CLN6: variants seen among roughly 807,000 people sequenced by gnomAD.
CLN6 encodes ceroid-lipofuscinosis neuronal protein 6.
In CLN6, 22 loss-of-function variants were observed where a neutral mutation model predicts 33.3. That is an observed-to-expected ratio of 0.66 (90% CI 0.47 to 0.94). The LOEUF is 0.94. Ranked by LOEUF, CLN6 falls within the 40% of genes least tolerant of loss-of-function variation. The pLI is 0.00. For missense variants in CLN6, 387 were observed against 417.1 expected, an observed-to-expected ratio of 0.93 and a Z score of 0.63; for synonymous variants, 201 against 174.6, an observed-to-expected ratio of 1.15 and a Z score of -1.19.
chr15:68,230,785 C>T (rs1468769919), upstream of CLN6, among the ~76,000 whole-genome samples: 3 of 152,172 alleles, frequency 2.0e-5, no homozygotes, highest in Non-Finnish European at 4.4e-5. This position sits in a 1 kb window ranked among gnomAD's most constrained non-coding sequence, Gnocchi z 4.0. Context: ...CCTTCCACAC[C>T]ACTGTCAATG....
At position 68,256,933 on chromosome 15, in the gene CLN6, C is replaced by A; in HGVS notation, c.-65G>T. 1.6e-6 allele frequency: 1 copy of A among 621,174 alleles called. No individual in the cohort carries two copies. The highest frequency in any genetic ancestry group is 1.8e-5 in the South Asian group (1 of 56,030). 38.5% of individuals were successfully genotyped at this position (621,174 alleles called of 1,614,324 possible). On this transcript the variant is annotated 5_prime_UTR_variant, in exon 1 of 7. Coordinates refer to the CLN6 transcript ENST00000538696. This position sits in a 1 kb window ranked among gnomAD's most constrained non-coding sequence, Gnocchi z 4.1. ...GGTCAGGGTGCGCGTCCCACCGCGTCGTGGGGCAGGGTGTAGTGATGGTCA... is the reference window on the plus strand; with the variant it reads ...GGTCAGGGTGCGCGTCCCACCGCGTAGTGGGGCAGGGTGTAGTGATGGTCA...
At position 68,211,943 on chromosome 15, in the gene CLN6, T is replaced by G. The variant is rs1201875953; in HGVS notation, c.298-80A>C. 1.4e-6 allele frequency: 2 copies of G among 1,419,632 alleles called. No homozygotes were observed. The highest frequency in any genetic ancestry group is 3.6e-5 in the Admixed American group (2 of 55,956). The allele number at this position is 1,419,632 out of a possible 1,614,324, so 87.9% of individuals were successfully genotyped here. A position where few individuals can be genotyped will look rare whatever the true frequency, so the allele number is the denominator to read the frequency against. On this transcript the variant is annotated intron_variant, in intron 3 of 6. Transcript: ENST00000249806. The surrounding 1 kb of genome is among the most constrained non-coding windows in gnomAD (Gnocchi z 5.9). ...CACCCTCTGCTTCCCCCCTCACACCTGGGGTGGGATGGACGCTTCCAGCTG... is the reference window on the plus strand; with the variant it reads ...CACCCTCTGCTTCCCCCCTCACACCGGGGGTGGGATGGACGCTTCCAGCTG...
At chr15:68,229,762 A>AGGGAG (rs1555440250), upstream of CLN6, 13 of 46,460 alleles carry the variant, frequency 2.8e-4, no homozygotes, top group East Asian at 1.8e-3. Context: ...GGCGGAGCGG[A>AGGGAG]GCGGAGCGGA....
chr15:68,245,889 G>A (rs934603685), intron 1 of CLN6, among the ~76,000 whole-genome samples: 2 of 151,510 alleles, frequency 1.3e-5, no homozygotes, highest in Non-Finnish European at 2.9e-5. Context: ...CCATGCAAGT[G>A]GAAACCAAAA....
intron 1 of CLN6, among the ~76,000 whole-genome samples, chr15:68,249,987 G>C (rs555113887): frequency 6.6e-6 from 1 of 152,072 alleles, no homozygotes; most frequent in East Asian, 1.9e-4. Flanking sequence ...TGGTCAGGCC[G>C]ATCTCGAACT....
intron 1 of CLN6, among the ~76,000 whole-genome samples, chr15:68,235,609 T>A (rs1168798575): frequency 2.1e-3 from 15 of 7,206 alleles, no homozygotes; most frequent in South Asian, 0.016. Flanking sequence ...TATATATATA[T>A]ATATATATAT....
rs1336395846 is a variant in CLN6 at position 68,208,942 on chromosome 15, G to A, written c.666-532C>T. On this transcript the variant is annotated intron_variant, in intron 6 of 6. Coordinates refer to ENST00000249806, the MANE Select transcript of CLN6 (RefSeq NM_017882.3). The surrounding 1 kb of genome is among the most constrained non-coding windows in gnomAD (Gnocchi z 5.8). ...GATCTAGAGCTGGCCCAGGAAAGGA[G>A]GCCCTTTTCATTTTGAGGGAGGCCT... Among the ~76,000 whole-genome samples, 1 of 152,178 alleles carries A rather than the reference G, an allele frequency of 6.6e-6. No homozygotes were observed. The highest frequency in any genetic ancestry group is 1.5e-5 in the Non-Finnish European group (1 of 68,024).
At position 68,226,815 on chromosome 15, in the gene CLN6, A is replaced by C. The variant is rs117610692; in HGVS notation, c.83+2687T>G. Reference sequence around the variant, plus strand: ...GTTTAATTAATACATGCAAAAACTTAAGAGCAGGGCCTGATCCATAAAAAG... The same window carrying C: ...GTTTAATTAATACATGCAAAAACTTCAGAGCAGGGCCTGATCCATAAAAAG... On this transcript the variant is annotated intron_variant, in intron 1 of 6. Transcript: ENST00000249806. Among the ~76,000 whole-genome samples the C allele has an allele frequency of 4.0e-5, 6 of 149,292 alleles. No individual in the cohort carries two copies. In the East Asian group the frequency reaches 1.2e-3, roughly 29 times the overall value.
At chr15:68,230,219 T>C (rs2093266044), upstream of CLN6, among the ~76,000 whole-genome samples, 1 of 151,984 alleles carries the variant, frequency 6.6e-6, no homozygotes, top group Admixed American at 6.6e-5. The surrounding 1 kb of genome is among the most constrained non-coding windows in gnomAD (Gnocchi z 4.0). Context: ...GTATGGTGAC[T>C]GGGACTCTGG....
chr15:68,216,828 G>GTAT (rs2093221711), intron 2 of CLN6, among the ~76,000 whole-genome samples: 1 of 152,200 alleles, frequency 6.6e-6, no homozygotes, highest in Admixed American at 6.5e-5. Flanking sequence ...TCTCGGAAGG[G>GTAT]TATTACTGGG....
chr15:68,226,696 ACCT>A (rs1212676323), intron 1 of CLN6, among the ~76,000 whole-genome samples: 1 of 151,556 alleles, frequency 6.6e-6, no homozygotes, highest in Non-Finnish European at 1.5e-5. Flanking sequence ...TGAACTCCTG[ACCT>A]CCTGATCCGC....
rs1481813580 is a variant in CLN6 at position 68,247,713 on chromosome 15, G to A, written c.179+8977C>T. Among the ~76,000 whole-genome samples the A allele has an allele frequency of 1.3e-5, 2 of 152,134 alleles. No individual in the cohort carries two copies. Among genetic ancestry groups the A allele is most frequent in the Non-Finnish European group, 2.9e-5 (2 of 68,028 alleles). ...ATGGAACCACAAAAGACCCAGAATA[G>A]TGAAAGCAATCCTAAGCAAAACGAA... On this transcript the variant is annotated intron_variant, in intron 1 of 6. Coordinates refer to the CLN6 transcript ENST00000538696. The surrounding 1 kb of genome is among the most constrained non-coding windows in gnomAD (Gnocchi z 4.2).
rs1179113551 is a variant in CLN6, at chr15:68,242,826, A to G, written c.179+13864T>C. ...TACTTTGGAGCATTAGATGATAGGT[A>G]AGGCCTGGGGACATGTGGAGAGCCA... On this transcript the variant is annotated intron_variant, in intron 1 of 6. Transcript: ENST00000538696. The surrounding 1 kb of genome is among the most constrained non-coding windows in gnomAD (Gnocchi z 5.0). 6.6e-6 allele frequency among the ~76,000 whole-genome samples: 1 copy of G among 152,210 alleles called. No individual in the cohort carries two copies. Among genetic ancestry groups the G allele is most frequent in the East Asian group, 1.9e-4 (1 of 5,198 alleles).
intron 1 of CLN6, among the ~76,000 whole-genome samples, chr15:68,243,330 G>A (rs999208261): frequency 6.6e-6 from 1 of 152,162 alleles, no homozygotes; most frequent in Non-Finnish European, 1.5e-5. Context: ...CTACTTTTCC[G>A]AATAACAGAG....
intron 1 of CLN6, among the ~76,000 whole-genome samples, chr15:68,253,608 T>G (rs1048282303): frequency 8.5e-5 from 13 of 152,252 alleles, no homozygotes; most frequent in Admixed American, 7.2e-4. Flanking sequence ...AAAGTAATAC[T>G]TAAAATTTAG....
chr15:68,247,806 G>A lies in CLN6; in HGVS notation c.179+8884C>T, dbSNP rs1296377049. On this transcript the variant is annotated intron_variant, in intron 1 of 6. Coordinates refer to the CLN6 transcript ENST00000538696. This position sits in a 1 kb window ranked among gnomAD's most constrained non-coding sequence, Gnocchi z 4.2. ...CACTTTGGGAGGCTGAGCTGGGTGG[G>A]TCACCTGAGGTCAGGAGTTCAAAAC... Among the ~76,000 whole-genome samples, 1 of 151,944 alleles carries A rather than the reference G, an allele frequency of 6.6e-6. No individual in the cohort carries two copies. Among genetic ancestry groups the A allele is most frequent in the Non-Finnish European group, 1.5e-5 (1 of 67,998 alleles).
At chr15:68,235,915 G>A (rs577480895) in intron 1 of CLN6, among the ~76,000 whole-genome samples, 13 of 152,270 alleles carry the variant, frequency 8.5e-5, no homozygotes, top group African/African-American at 3.1e-4. Context: ...CTCCAGGAAT[G>A]TATTAAACAC....
At position 68,209,543 on chromosome 15, in the gene CLN6, G is replaced by T; in HGVS notation, c.665+94C>A. 1 of 1,548,010 alleles carries T rather than the reference G, an allele frequency of 6.5e-7. No homozygotes were observed. On this transcript the variant is annotated intron_variant, in intron 6 of 6. Transcript: ENST00000249806. The surrounding 1 kb of genome is among the most constrained non-coding windows in gnomAD (Gnocchi z 4.9). ...GGCCCAAAGAGGGCCAGTCTCCCTGGGGCCACACAGCAGGTCCATTGGCAA... is the reference window on the plus strand; with the variant it reads ...GGCCCAAAGAGGGCCAGTCTCCCTGTGGCCACACAGCAGGTCCATTGGCAA...
rs1254350735 is a variant in CLN6 at position 68,211,614 on chromosome 15, A to G, written c.486+61T>C. 3 of 1,607,678 alleles carry G rather than the reference A, an allele frequency of 1.9e-6. No homozygotes were observed. Among genetic ancestry groups the G allele is most frequent in the African/African-American group, 2.7e-5 (2 of 74,890 alleles). Reference sequence around the variant, plus strand: ...GGCGAGGGGTGGGGGCCATTTCTTCAGCCTCCCAGGACAGACTGTGCTCCT... The same window carrying G: ...GGCGAGGGGTGGGGGCCATTTCTTCGGCCTCCCAGGACAGACTGTGCTCCT... On this transcript the variant is annotated intron_variant, in intron 4 of 6. Coordinates refer to ENST00000249806, the MANE Select transcript of CLN6 (RefSeq NM_017882.3). This position sits in a 1 kb window ranked among gnomAD's most constrained non-coding sequence, Gnocchi z 5.9.
Sources: gnomAD v4.1 joint callset for allele counts (sites outside exome capture counted in the v4.1 genomes callset) on GRCh38, gnomAD v4.1.1 for gene constraint, Gnocchi (gnomAD v3.1) non-coding constraint, MANE v1.5 for transcripts, NCBI Gene and HGNC (gene_info 2026-07-23, HGNC 2026-07-21) for gene names.